Variants in EXTL3 observed in about 807,000 individuals in gnomAD.
EXTL3 encodes the protein exostosin-like 3.
A neutral mutation model predicts 69.3 loss-of-function variants in EXTL3; 27 were observed. That is an observed-to-expected ratio of 0.39 (90% CI 0.29 to 0.54). The LOEUF (loss-of-function observed/expected upper bound fraction) is 0.54, where lower values mean the gene tolerates loss of function less well. Among genes scored for constraint, EXTL3 ranks in the 20% least tolerant of loss-of-function variants. The pLI is 0.69. For synonymous variants in EXTL3, 511 were observed against 499.4 expected (o/e 1.02, Z -0.31); for missense variants, 1,003 against 1,231.8 (o/e 0.81, Z 2.78).
At chr8:28,622,692 T>A (rs529215529), upstream of EXTL3, 3 of 73,330 alleles carry the variant, frequency 4.1e-5, no homozygotes, top group South Asian at 4.4e-4. Flanking sequence ...GGGGATGCGG[T>A]GAGCCGAGGG....
At chr8:28,708,477 G>A (rs959586975) in intron 1 of EXTL3, among the ~76,000 whole-genome samples, 3 of 150,776 alleles carry the variant, frequency 2.0e-5, no homozygotes, top group African/African-American at 7.3e-5. Flanking sequence ...ATAGTGTTGG[G>A]AAATGTGTTT....
upstream of EXTL3, chr8:28,699,926 T>C (rs1800750846): frequency 6.6e-6 from 1 of 152,150 alleles, no homozygotes; most frequent in Non-Finnish European, 1.5e-5. Context: ...CTCTCGCCAG[T>C]GTGGAGATGA....
chr8:28,701,832 C>T (rs1585260205), intron 1 of EXTL3, among the ~76,000 whole-genome samples, 173 bp downstream of exon 1: 1 of 152,008 alleles, frequency 6.6e-6, no homozygotes. Context: ...AGCCTCCGAG[C>T]GGAGTAGGCC....
chr8:28,608,189 T>G (rs1335608569), intron 2 of EXTL3, among the ~76,000 whole-genome samples: 2 of 152,010 alleles, frequency 1.3e-5, no homozygotes, highest in Non-Finnish European at 2.9e-5. Context: ...AACTTCCCTT[T>G]GCAGCGATCT....
At chr8:28,734,695 TAAAACAAAAC>T (rs555101633) in intron 4 of EXTL3, among the ~76,000 whole-genome samples, 17 of 152,216 alleles carry the variant, frequency 1.1e-4, no homozygotes, top group South Asian at 1.0e-3. Flanking sequence ...GCAACAGAGC[TAAAACAAAAC>T]AAAACAAAAC....
chr8:28,614,544 G>T (rs1352620222), intron 2 of EXTL3, among the ~76,000 whole-genome samples: 1 of 151,994 alleles, frequency 6.6e-6, no homozygotes, highest in African/African-American at 2.4e-5. Flanking sequence ...AAAGTGCTGG[G>T]ATTACAGGTG....
chr8:28,697,593 G>C (rs1800703242), upstream of EXTL3: 1 of 152,202 alleles, frequency 6.6e-6, no homozygotes, highest in Admixed American at 6.6e-5. Flanking sequence ...CCAGCACTTT[G>C]GGAGGCTGAG....
chr8:28,756,169 C>G (rs1044477992), downstream of EXTL3, among the ~76,000 whole-genome samples: 3 of 152,216 alleles, frequency 2.0e-5, no homozygotes, highest in Non-Finnish European at 4.4e-5. Flanking sequence ...ATGCACACAC[C>G]TGTGTAACCC....
chr8:28,735,920 G>A (rs1801643036), intron 4 of EXTL3, among the ~76,000 whole-genome samples: 1 of 152,200 alleles, frequency 6.6e-6, no homozygotes, highest in African/African-American at 2.4e-5. Context: ...GATAAATACT[G>A]TGGTTCCATT....
chr8:28,609,813 C>A (rs1489310288), intron 2 of EXTL3, among the ~76,000 whole-genome samples: 5 of 151,370 alleles, frequency 3.3e-5, no homozygotes, highest in African/African-American at 9.7e-5. Context: ...TCGCTTGAGC[C>A]CAGGAGATTG....
In EXTL3 at chr8:28,737,688, C is replaced by T. The variant is rs148896601; in HGVS notation, c.2421+25C>T. 7 of 1,613,510 alleles carry T rather than the reference C, an allele frequency of 4.3e-6. No homozygotes were observed. The East Asian group carries it at 1.6e-4, about 36-fold the overall frequency. ...GGTAAGAAAAAGCTGGTAATAATGG[C>T]ATCGACTTGGTGAGAGTTTCACCTT... On this transcript the variant is annotated intron_variant, in intron 5 of 6. Transcript: ENST00000220562.
At chr8:28,682,196 G>A (rs879678132) in intron 1 of EXTL3, among the ~76,000 whole-genome samples, 20 of 152,140 alleles carry the variant, frequency 1.3e-4, no homozygotes, top group African/African-American at 2.9e-4. Flanking sequence ...AATGATTAGC[G>A]AAGTTGAGCA....
At chr8:28,651,405 A>G (rs1324641121) in intron 1 of EXTL3, among the ~76,000 whole-genome samples, 2 of 152,120 alleles carry the variant, frequency 1.3e-5, no homozygotes, top group African/African-American at 4.8e-5. Context: ...GACTCACTGC[A>G]GCCTCGAACT....
intron 1 of EXTL3, chr8:28,631,608 C>T (rs1469897409): frequency 6.6e-6 from 1 of 152,178 alleles, no homozygotes; most frequent in Non-Finnish European, 1.5e-5. Context: ...ATAATGCCTG[C>T]TGCTGATGGG....
At chr8:28,702,822 T>G (rs1173819369) in intron 1 of EXTL3, among the ~76,000 whole-genome samples, 1 of 152,134 alleles carries the variant, frequency 6.6e-6, no homozygotes, top group East Asian at 1.9e-4. Flanking sequence ...CGTGCTTTCT[T>G]TTGTTTTTAA....
intron 1 of EXTL3, among the ~76,000 whole-genome samples, chr8:28,629,701 G>A (rs572632501): frequency 6.6e-6 from 1 of 152,244 alleles, no homozygotes; most frequent in Non-Finnish European, 1.5e-5. Context: ...GAGCTACAGG[G>A]TTCCAATTCG....
chr8:28,723,571 CTG>C (rs1413461351), intron 3 of EXTL3, among the ~76,000 whole-genome samples: 1 of 151,176 alleles, frequency 6.6e-6, no homozygotes, highest in East Asian at 1.9e-4. Flanking sequence ...GAATCTGAGA[CTG>C]TAAGAATTCT....
At chr8:28,611,006 GT>G (rs1380691851) in intron 2 of EXTL3, among the ~76,000 whole-genome samples, 1 of 152,112 alleles carries the variant, frequency 6.6e-6, no homozygotes, top group Non-Finnish European at 1.5e-5. Context: ...GCCTCCCAAA[GT>G]GCTGGGATTA....
chr8:28,614,867 A>G (rs1806312038), intron 2 of EXTL3, among the ~76,000 whole-genome samples: 1 of 152,196 alleles, frequency 6.6e-6, no homozygotes, highest in Non-Finnish European at 1.5e-5. Flanking sequence ...TTTGTTACAT[A>G]GGTAAATGTG....
Sources: gnomAD v4.1 joint callset for allele counts (sites outside exome capture counted in the v4.1 genomes callset) on GRCh38, gnomAD v4.1.1 for gene constraint, MANE v1.5 for transcripts, NCBI Gene and HGNC (gene_info 2026-07-23, HGNC 2026-07-21) for gene names.